The following ALG9 variants were observed in gnomAD, a reference collection of about 807,000 sequenced individuals.
ALG9 encodes ALG9 alpha-1,2-mannosyltransferase.
A neutral mutation model predicts 81.8 loss-of-function variants in ALG9; 55 were observed. The observed-to-expected ratio is 0.67, with a 90% confidence interval of 0.54 to 0.84. The LOEUF is 0.84. Among genes scored for constraint, ALG9 ranks in the 40% least tolerant of loss-of-function variants. The pLI, the probability that ALG9 is intolerant of heterozygous loss-of-function variation, is 0.00. For synonymous variants in ALG9, 278 were observed against 274.3 expected, an observed-to-expected ratio of 1.01 and a Z score of -0.13; for missense variants, 629 against 745.0, an observed-to-expected ratio of 0.84 and a Z score of 1.81.
At chr11:111,770,717 A>T in the ALG9 span, among the ~76,000 whole-genome samples, 518 of 152,210 alleles carry the variant, frequency 3.4e-3, 1 homozygote, top group Non-Finnish European at 5.8e-3. Flanking sequence ...AATAAATAAA[A>T]TAAAAAGGAT....
downstream of ALG9, among the ~76,000 whole-genome samples, chr11:111,778,938 C>CT (rs1456505233): frequency 6.6e-6 from 1 of 151,936 alleles, no homozygotes; most frequent in Admixed American, 6.6e-5. Context: ...CCTCAGCCTA[C>CT]TGAGTAGCTG....
chr11:111,865,085 T>G, intron 4 of ALG9, 96 bp downstream of exon 4: 1 of 1,080,700 alleles, frequency 9.3e-7, no homozygotes, highest in Non-Finnish European at 1.3e-6. Context: ...TCAAGAGTTT[T>G]CTATTTCTAA....
At chr11:111,799,193 C>A (rs1033080665) in intron 14 of ALG9, among the ~76,000 whole-genome samples, 4 of 152,198 alleles carry the variant, frequency 2.6e-5, no homozygotes, top group African/African-American at 9.6e-5. Flanking sequence ...TGTCACCAGG[C>A]TGGAATGCAG....
Position 111,867,600 on chromosome 11 carries a change from T to C in ALG9, c.405+1002A>G, listed in dbSNP as rs1363478523. On this transcript the variant is annotated intron_variant, in intron 3 of 14. Coordinates refer to ENST00000616540, the MANE Select transcript of ALG9 (RefSeq NM_024740.2). ...GGGGTCAGCATTGGAAGAGGGGACA[T>C]AGGAAAGAATCAGTGAAGTGGAAGA... Among the ~76,000 whole-genome samples, 5 of 152,078 alleles carry C rather than the reference T, an allele frequency of 3.3e-5. No homozygotes were observed. In the East Asian group the frequency reaches 7.7e-4, roughly 23 times the overall value.
intron 11 of ALG9, among the ~76,000 whole-genome samples, chr11:111,838,032 A>C (rs1413094649): frequency 6.6e-6 from 1 of 152,242 alleles, no homozygotes; most frequent in Non-Finnish European, 1.5e-5. Flanking sequence ...ATAGACAAAA[A>C]ATGTACAGTT....
intron 3 of ALG9, among the ~76,000 whole-genome samples, chr11:111,867,647 A>G (rs1555154575): frequency 6.6e-6 from 1 of 152,202 alleles, no homozygotes; most frequent in African/African-American, 2.4e-5. Flanking sequence ...AAATTACTCA[A>G]TGTGAACAAC....
chr11:111,831,394 A>G (rs1555113342), intron 13 of ALG9, among the ~76,000 whole-genome samples: 1 of 152,086 alleles, frequency 6.6e-6, no homozygotes, highest in East Asian at 1.9e-4. Context: ...GCTACTCAGG[A>G]GGCTGAGGTG....
chr11:111,855,151 C>G (rs770832150), intron 6 of ALG9, among the ~76,000 whole-genome samples: 56 of 152,190 alleles, frequency 3.7e-4, no homozygotes, highest in Non-Finnish European at 7.6e-4. Flanking sequence ...TTTAAAGGAT[C>G]TGACGGTATA....
intron 1 of ALG9, chr11:111,870,836 G>A (rs982465757): frequency 8.0e-6 from 8 of 1,005,590 alleles, no homozygotes; most frequent in Non-Finnish European, 9.5e-6. Flanking sequence ...CATTGCTTTT[G>A]ATGGCTTTAT....
Position 111,809,758 on chromosome 11 carries a change from A to C in ALG9, c.1618T>G (p.Cys540Gly). Residue 540 changes from cysteine (C) to glycine (G), a missense_variant, in exon 14 of 15, where the codon TGC (cysteine) becomes GGC (glycine). Coordinates refer to ENST00000616540, the MANE Select transcript of ALG9 (RefSeq NM_024740.2). Reference sequence around the variant, plus strand: ...GTGTCCAAATCCACTAAATAATGGCATTTACTGATATCAATCTGAAATGGA... The same window carrying C: ...GTGTCCAAATCCACTAAATAATGGCCTTTACTGATATCAATCTGAAATGGA... ...EPSRYIDISKCHYLVDLDTMR... is the reference protein window; with the variant it reads ...EPSRYIDISKGHYLVDLDTMR... 6.2e-7 allele frequency: 1 copy of C among 1,614,030 alleles called. No homozygotes were observed. The highest frequency in any genetic ancestry group is 1.3e-5 in the African/African-American group (1 of 75,036).
At chr11:111,866,696 T>A (rs1435809758) in intron 3 of ALG9, among the ~76,000 whole-genome samples, 1 of 151,366 alleles carries the variant, frequency 6.6e-6, no homozygotes, top group East Asian at 1.9e-4. Context: ...GAAGTGATAC[T>A]AGATAGCCAA....
At chr11:111,773,175 C>G in the ALG9 span, among the ~76,000 whole-genome samples, 1 of 152,090 alleles carries the variant, frequency 6.6e-6, no homozygotes, top group Non-Finnish European at 1.5e-5. Context: ...AGACTATGTT[C>G]AAGGTGTACA....
chr11:111,844,753 T>C, intron 8 of ALG9, 30 bp from the exon 9 acceptor site: 1 of 1,611,304 alleles, frequency 6.2e-7, no homozygotes, highest in East Asian at 2.2e-5. Flanking sequence ...AAGAAATCAT[T>C]AGTGGATGCC....
At chr11:111,820,920 G>GCA (rs58305552) in intron 13 of ALG9, among the ~76,000 whole-genome samples, 8,459 of 146,190 alleles carry the variant, frequency 0.058, 530 homozygotes, top group African/African-American at 0.16. Context: ...AAACACGCGC[G>GCA]CACACACACA....
intron 4 of ALG9, among the ~76,000 whole-genome samples, chr11:111,861,163 G>A (rs1566209397): frequency 6.6e-6 from 1 of 152,222 alleles, no homozygotes; most frequent in Non-Finnish European, 1.5e-5. Context: ...ATGTGAATAA[G>A]TGGTTAAATC....
chr11:111,825,813 C>A (rs1592096704), intron 13 of ALG9, among the ~76,000 whole-genome samples: 1 of 152,006 alleles, frequency 6.6e-6, no homozygotes, highest in Non-Finnish European at 1.5e-5. Context: ...TTTGGGAGGC[C>A]AAGGTGGGCG....
intron 3 of ALG9, among the ~76,000 whole-genome samples, chr11:111,868,378 T>C (rs1293701945): frequency 1.3e-5 from 2 of 152,252 alleles, no homozygotes; most frequent in Non-Finnish European, 2.9e-5. Flanking sequence ...ACAAGTTTCA[T>C]TAAGTCAGGG....
Position 111,782,587 on chromosome 11 carries a change from T to C in ALG9, c.*3810A>G, listed in dbSNP as rs782471793. 2 of 152,570 alleles carry C rather than the reference T, an allele frequency of 1.3e-5. No homozygotes were observed. The highest frequency in any genetic ancestry group is 2.4e-5 in the African/African-American group (1 of 41,450). 9.5% of individuals were successfully genotyped at this position (152,570 alleles called of 1,614,324 possible). A position where few individuals can be genotyped will look rare whatever the true frequency, so the allele number is the denominator to read the frequency against. On this transcript the variant is annotated 3_prime_UTR_variant, in exon 15 of 15. Coordinates refer to ENST00000616540, the MANE Select transcript of ALG9 (RefSeq NM_024740.2). The stretch of plus-strand genomic sequence containing the variant: ...TATGCTTGTGGAGGCCAAGATTAAA[T>C]TGTACCTCTTCTCCCTCTTCAGAGA...
At chr11:111,800,709 A>G (rs1242332901) in intron 14 of ALG9, among the ~76,000 whole-genome samples, 2 of 152,098 alleles carry the variant, frequency 1.3e-5, no homozygotes, top group East Asian at 1.9e-4. Context: ...TTGTGTGGCT[A>G]TTTGTTTAAG....
Sources: gnomAD v4.1 joint callset for allele counts (sites outside exome capture counted in the v4.1 genomes callset) on GRCh38, gnomAD v4.1.1 for gene constraint, MANE v1.5 for transcripts, NCBI Gene and HGNC (gene_info 2026-07-23, HGNC 2026-07-21) for gene names.